Variants in KNOP1 observed in about 807,000 individuals in gnomAD.
The protein encoded by KNOP1 is lysine-rich nucleolar protein 1.
A neutral mutation model predicts 30.6 loss-of-function variants in KNOP1; 20 were observed. That is an observed-to-expected ratio of 0.65 (90% confidence interval 0.46 to 0.95). The LOEUF (loss-of-function observed/expected upper bound fraction) is 0.95. KNOP1 is among the 40% of genes least tolerant of loss of function. The pLI is 0.00. For synonymous variants in KNOP1, 204 were observed against 210.0 expected, an observed-to-expected ratio of 0.97 and a Z score of 0.25; for missense variants, 540 against 562.0, an observed-to-expected ratio of 0.96 and a Z score of 0.40.
Position 19,714,883 on chromosome 16 carries a change from C to G in KNOP1, c.153G>C (p.Lys51Asn), listed in dbSNP as rs779773768. Residue 51 changes from lysine to asparagine, a missense_variant, in exon 2 of 5, where the codon AAG becomes AAC. Transcript: ENST00000219837. ...VSPLRATSPSKSVAHGQAPEM... is the reference protein window; with the variant it reads ...VSPLRATSPSNSVAHGQAPEM... ...CAGGTGCCTGCCCATGGGCCACACT[C>G]TTAGAGGGGGATGTAGCTCTTAAAG... is the stretch of plus-strand genomic sequence containing the variant. 1 of 1,613,938 alleles carries G rather than the reference C, an allele frequency of 6.2e-7. No individual in the cohort carries two copies. Among genetic ancestry groups the G allele is most frequent in the South Asian group, 1.1e-5 (1 of 91,006 alleles).
chr16:19,704,312 C>T lies in KNOP1; in HGVS notation c.*2598G>A, dbSNP rs1976276110. The T allele has an allele frequency of 6.6e-6, 1 of 152,324 alleles. No individual in the cohort carries two copies. The highest frequency in any genetic ancestry group is 1.5e-5 in the Non-Finnish European group (1 of 68,144). 9.4% of individuals were successfully genotyped at this position (152,324 alleles called of 1,614,324 possible). A position where few individuals can be genotyped will look rare whatever the true frequency, so the allele number is the denominator to read the frequency against. Reference sequence around the variant, plus strand: ...ATGTTGGTCAGGCTGGTCTCGAACTCTTGACCTCGTGATCCGCCCACCTTG... The same window carrying T: ...ATGTTGGTCAGGCTGGTCTCGAACTTTTGACCTCGTGATCCGCCCACCTTG... On this transcript the variant is annotated 3_prime_UTR_variant, in exon 5 of 5. Transcript: ENST00000219837.
At position 19,704,570 on chromosome 16, in the gene KNOP1, G is replaced by A. The variant is rs746060969; in HGVS notation, c.*2340C>T. ...CACGCCACCACACTCCAGCCTGCGCGACCGTGAGACTCCATCTCAAAAAAA... is the reference window on the plus strand; with the variant it reads ...CACGCCACCACACTCCAGCCTGCGCAACCGTGAGACTCCATCTCAAAAAAA... On this transcript the variant is annotated 3_prime_UTR_variant, in exon 5 of 5. Coordinates refer to ENST00000219837, the MANE Select transcript of KNOP1 (RefSeq NM_001012991.3). The A allele has an allele frequency of 1.3e-5, 2 of 152,202 alleles. No homozygotes were observed. Among genetic ancestry groups the A allele is most frequent in the Admixed American group, 6.6e-5 (1 of 15,264 alleles). 9.4% of individuals were successfully genotyped at this position (152,202 alleles called of 1,614,324 possible).
In KNOP1 at chr16:19,714,346, C is replaced by T. The variant is rs372381214; in HGVS notation, c.690G>A (p.Lys230=). Residue 230 remains lysine (K), a synonymous_variant, in exon 2 of 5, where the codon AAG becomes AAA. Coordinates refer to ENST00000219837, the MANE Select transcript of KNOP1 (RefSeq NM_001012991.3). ...GGCTGCTCTCCATGGACCTGGAGGG[C>T]TTGGAGTGGCCTGGGAGGGCATCTC... is the stretch of plus-strand genomic sequence containing the variant. ...QEGDALPGHS[K]PSRSMESSPR... 5.0e-6 allele frequency: 8 copies of T among 1,613,808 alleles called. No homozygotes were observed. In the African/African-American group the frequency reaches 1.1e-4, roughly 22 times the overall value.
rs1453746530 is a variant in KNOP1, at chr16:19,703,155, G to A, written c.*3755C>T. 2 of 152,162 alleles carry A rather than the reference G, an allele frequency of 1.3e-5. No homozygotes were observed. Among genetic ancestry groups the A allele is most frequent in the East Asian group, 3.9e-4 (2 of 5,194 alleles). 9.4% of individuals were successfully genotyped at this position (152,162 alleles called of 1,614,324 possible). A position where few individuals can be genotyped will look rare whatever the true frequency, so the allele number is the denominator to read the frequency against. On this transcript the variant is annotated 3_prime_UTR_variant, in exon 5 of 5. Coordinates refer to ENST00000219837, the MANE Select transcript of KNOP1 (RefSeq NM_001012991.3). Reference sequence around the variant, plus strand: ...GGTTCTATAGGTCTTAAGTCCGCCTGGTCTCACTGAGCTAAAATTAAGGCA... The same window carrying A: ...GGTTCTATAGGTCTTAAGTCCGCCTAGTCTCACTGAGCTAAAATTAAGGCA...
intron 1 of KNOP1, chr16:19,717,381 C>T (rs1430658634): frequency 1.0e-6 from 1 of 985,200 alleles, no homozygotes; most frequent in African/African-American, 1.8e-5. Flanking sequence ...AGAGCCAAGA[C>T]GACTTCAGAA....
chr16:19,709,491 C>T (rs1016604692), intron 4 of KNOP1, among the ~76,000 whole-genome samples: 4 of 152,216 alleles, frequency 2.6e-5, no homozygotes, highest in African/African-American at 7.2e-5. Flanking sequence ...TCCCGCTTGC[C>T]GAGTCAATGC....
intron 2 of KNOP1, 135 bp downstream of exon 2, chr16:19,713,983 A>G (rs1976850852): frequency 1.2e-6 from 1 of 810,584 alleles, no homozygotes. Flanking sequence ...TCTGGCTGAA[A>G]TTAATTTAAC....
Position 19,706,850 on chromosome 16 carries a change from C to T in KNOP1, c.*60G>A. The T allele has an allele frequency of 6.4e-7, 1 of 1,554,628 alleles. No homozygotes were observed. The highest frequency in any genetic ancestry group is 1.2e-5 in the South Asian group (1 of 84,452). On this transcript the variant is annotated 3_prime_UTR_variant, in exon 5 of 5. Transcript: ENST00000219837. The stretch of plus-strand genomic sequence containing the variant: ...TTTCACAAAAAAAATTTGTAATCTC[C>T]AGCATAAATGGAATAATCAAAGCAA...
intron 4 of KNOP1, among the ~76,000 whole-genome samples, chr16:19,708,981 T>C (rs752217326): frequency 1.5e-4 from 23 of 152,132 alleles, no homozygotes; most frequent in Non-Finnish European, 3.2e-4. Context: ...ATCACTCTCC[T>C]GCCGTCAGGT....
At chr16:19,710,400 G>A (rs959378190) in intron 4 of KNOP1, 109 bp downstream of exon 4, 5 of 1,061,064 alleles carry the variant, frequency 4.7e-6, no homozygotes, top group South Asian at 1.3e-5. Flanking sequence ...CTGCCTCTGG[G>A]GCCTGGACAT....
At position 19,714,884 on chromosome 16, in the gene KNOP1, T is replaced by A. The variant is rs1976934358; in HGVS notation, c.152A>T (p.Lys51Met). 2 of 1,613,924 alleles carry A rather than the reference T, an allele frequency of 1.2e-6. No individual in the cohort carries two copies. Among genetic ancestry groups the A allele is most frequent in the Non-Finnish European group, 1.7e-6 (2 of 1,179,986 alleles). The change falls in exon 2 of 5, where the codon AAG (lysine) becomes ATG (methionine). Residue 51 changes from lysine to methionine, a missense_variant. By Grantham distance (95) the Lys-to-Met change is moderately conservative. Coordinates refer to ENST00000219837, the MANE Select transcript of KNOP1 (RefSeq NM_001012991.3). ...AGGTGCCTGCCCATGGGCCACACTC[T>A]TAGAGGGGGATGTAGCTCTTAAAGG... ...VSPLRATSPSKSVAHGQAPEM... is the reference protein window; with the variant it reads ...VSPLRATSPSMSVAHGQAPEM...
At chr16:19,710,662 G>A in intron 3 of KNOP1, 76 bp from the exon 4 acceptor site, 3 of 1,244,930 alleles carry the variant, frequency 2.4e-6, no homozygotes, top group South Asian at 2.4e-5. Flanking sequence ...GACAGAGACG[G>A]GGCTGGGGGA....
At position 19,702,329 on chromosome 16, in the gene KNOP1, A is replaced by T. The variant is rs899518630; in HGVS notation, c.*4581T>A. The T allele has an allele frequency of 6.6e-6, 1 of 152,212 alleles. No homozygotes were observed. The highest frequency in any genetic ancestry group is 1.5e-5 in the Non-Finnish European group (1 of 68,036). 9.4% of individuals were successfully genotyped at this position (152,212 alleles called of 1,614,324 possible). The stretch of plus-strand genomic sequence containing the variant: ...TTATTTTATCTACTTTTACTGTGTG[A>T]TGCTATAAAATGAAAAACAATTGGC... On this transcript the variant is annotated 3_prime_UTR_variant, in exon 5 of 5. Transcript: ENST00000219837.
rs1466608937 is a variant in KNOP1 at position 19,706,463 on chromosome 16, A to G, written c.*447T>C. The stretch of plus-strand genomic sequence containing the variant: ...CCCATTTCATAATTATGAAGATTAA[A>G]TACATTAAGGAAAACACTAGTATGT... On this transcript the variant is annotated 3_prime_UTR_variant, in exon 5 of 5. Transcript: ENST00000219837. 1 of 158,478 alleles carries G rather than the reference A, an allele frequency of 6.3e-6. No individual in the cohort carries two copies. The highest frequency in any genetic ancestry group is 2.4e-5 in the African/African-American group (1 of 41,494). The allele number at this position is 158,478 out of a possible 1,614,324, so 9.8% of individuals were successfully genotyped here. A position where few individuals can be genotyped will look rare whatever the true frequency, so the allele number is the denominator to read the frequency against.
At position 19,707,062 on chromosome 16, in the gene KNOP1, C is replaced by G. The variant is rs781223728; in HGVS notation, c.1225G>C (p.Ala409Pro). The change falls in exon 5 of 5, where the codon GCT becomes CCT. Residue 409 changes from alanine (A) to proline (P), a missense_variant. Ala to Pro is a conservative substitution (Grantham distance 27). Transcript: ENST00000219837. Reference sequence around the variant, plus strand: ...TGCAGATTCTGCTGCAGGCTGTCAGCCGCCTTCTTGCCGAGGGCCATGTTG... The same window carrying G: ...TGCAGATTCTGCTGCAGGCTGTCAGGCGCCTTCTTGCCGAGGGCCATGTTG... ...RPNMALGKKAADSLQQNLQRD... is the reference protein window; with the variant it reads ...RPNMALGKKAPDSLQQNLQRD... The G allele has an allele frequency of 5.0e-6, 8 of 1,614,018 alleles. No homozygotes were observed. In the East Asian group the frequency reaches 1.6e-4, roughly 31 times the overall value.
chr16:19,702,997 CAA>C lies in KNOP1; in HGVS notation c.*3911_*3912del, dbSNP rs759526682. Reference sequence around the variant, plus strand: ...GCGTGGAGTGAGAGTGAGACTGTCTCAAAAAAAAAAAAAGAAAGAAAAACAAA... The same window carrying C: ...GCGTGGAGTGAGAGTGAGACTGTCTCAAAAAAAAAAAGAAAGAAAAACAAA... On this transcript the variant is annotated 3_prime_UTR_variant, in exon 5 of 5. Transcript: ENST00000219837. 6.0e-5 allele frequency: 7 copies of C among 117,038 alleles called. No homozygotes were observed. Among genetic ancestry groups the C allele is most frequent in the Admixed American group, 8.6e-5 (1 of 11,662 alleles). 7.2% of individuals were successfully genotyped at this position (117,038 alleles called of 1,614,324 possible).
Position 19,714,664 on chromosome 16 carries a change from G to A in KNOP1, c.372C>T (p.Ser124=). Reference sequence around the variant, plus strand: ...GGGAGGTTTTCACCCCAGAGGCATGGGACATGGCTAGAGGTGACTTCTTAT... The same window carrying A: ...GGGAGGTTTTCACCCCAGAGGCATGAGACATGGCTAGAGGTGACTTCTTAT... The part of the protein sequence containing the change: ...KKNKKSPLAM[S]HASGVKTSPD... The change falls in exon 2 of 5, where the codon TCC becomes TCT. Residue 124 remains serine, a synonymous_variant. Transcript: ENST00000219837. The A allele has an allele frequency of 6.2e-7, 1 of 1,614,100 alleles. No individual in the cohort carries two copies. The highest frequency in any genetic ancestry group is 8.5e-7 in the Non-Finnish European group (1 of 1,180,020).
chr16:19,702,600 A>C lies in KNOP1; in HGVS notation c.*4310T>G, dbSNP rs1976206750. ...TGCAGTTTCCCCCAGCCCTTTACTG[A>C]ATCAATAAGCCGGTCTCTGAAAACA... On this transcript the variant is annotated 3_prime_UTR_variant, in exon 5 of 5. Coordinates refer to ENST00000219837, the MANE Select transcript of KNOP1 (RefSeq NM_001012991.3). The C allele has an allele frequency of 6.6e-6, 1 of 152,150 alleles. No homozygotes were observed. Among genetic ancestry groups the C allele is most frequent in the Admixed American group, 6.6e-5 (1 of 15,256 alleles). The allele number at this position is 152,150 out of a possible 1,614,324, so 9.4% of individuals were successfully genotyped here. A position where few individuals can be genotyped will look rare whatever the true frequency, so the allele number is the denominator to read the frequency against.
At position 19,714,397 on chromosome 16, in the gene KNOP1, C is replaced by G. The variant is rs1362440101; in HGVS notation, c.639G>C (p.Lys213Asn). Residue 213 changes from lysine (K) to asparagine (N), a missense_variant, in exon 2 of 5, where the codon AAG (lysine) becomes AAC (asparagine). Transcript: ENST00000219837. ...KSPREHNGKV[K>N]KKKKIHQEGD... The stretch of plus-strand genomic sequence containing the variant: ...CCTCCTGGTGGATTTTTTTTTTCTT[C>G]TTCACCTTCCCATTGTGTTCTCTGG... The G allele has an allele frequency of 6.2e-7, 1 of 1,612,312 alleles. No individual in the cohort carries two copies. Among genetic ancestry groups the G allele is most frequent in the South Asian group, 1.1e-5 (1 of 90,966 alleles).
Sources: gnomAD v4.1 joint callset for allele counts (sites outside exome capture counted in the v4.1 genomes callset) on GRCh38, gnomAD v4.1.1 for gene constraint, MANE v1.5 for transcripts, NCBI Gene and HGNC (gene_info 2026-07-23, HGNC 2026-07-21) for gene names.